Variants in TTBK2 observed in about 807,000 individuals in gnomAD.
TTBK2 encodes the protein tau-tubulin kinase 2.
Under a neutral mutation model 110.8 loss-of-function variants are expected in TTBK2, and 28 were observed. The observed-to-expected ratio is 0.25, with a 90% confidence interval of 0.19 to 0.35. The LOEUF (loss-of-function observed/expected upper bound fraction) is 0.35, where lower values mean the gene tolerates loss of function less well. TTBK2 is among the 10% of genes least tolerant of loss of function. TTBK2 has a pLI of 1.00. For synonymous variants in TTBK2, 532 were observed against 527.3 expected, an observed-to-expected ratio of 1.01 and a Z score of -0.12; for missense variants, 1,369 against 1,500.3, an observed-to-expected ratio of 0.91 and a Z score of 1.45.
chr15:42,845,414 C>T (rs2141028733), intron 3 of TTBK2, among the ~76,000 whole-genome samples: 2 of 151,852 alleles, frequency 1.3e-5, no homozygotes, highest in South Asian at 2.1e-4. Flanking sequence ...GCCTGTAATC[C>T]CTGCACTTTG....
chr15:42,759,893 TC>T (rs1457470759), intron 13 of TTBK2, among the ~76,000 whole-genome samples: 1 of 151,772 alleles, frequency 6.6e-6, no homozygotes, highest in African/African-American at 2.4e-5. Context: ...ATGATAATTC[TC>T]CAGTAAAAGA....
intron 6 of TTBK2, among the ~76,000 whole-genome samples, chr15:42,825,495 G>A (rs1892491136): frequency 1.3e-5 from 2 of 152,190 alleles, no homozygotes; most frequent in Admixed American, 6.5e-5. Flanking sequence ...TGGATCCCTT[G>A]AGGTGAGGAG....
Position 42,741,357 on chromosome 15 carries a change from G to C in TTBK2, c.*4438C>G, listed in dbSNP as rs1263182616. On this transcript the variant is annotated 3_prime_UTR_variant, in exon 15 of 15. Coordinates refer to ENST00000267890, the MANE Select transcript of TTBK2 (RefSeq NM_173500.4). ...AATGCACCTGTGGTTTCTGAACTTG[G>C]GTATACGCTGATACATAAGGACTAC... 6.6e-6 allele frequency: 1 copy of C among 152,156 alleles called. No individual in the cohort carries two copies. The highest frequency in any genetic ancestry group is 6.5e-5 in the Admixed American group (1 of 15,268). The allele number at this position is 152,156 out of a possible 1,614,324, so 9.4% of individuals were successfully genotyped here. A position where few individuals can be genotyped will look rare whatever the true frequency, so the allele number is the denominator to read the frequency against.
intron 7 of TTBK2, among the ~76,000 whole-genome samples, chr15:42,815,970 T>A (rs1480404910): frequency 8.9e-6 from 1 of 112,496 alleles, no homozygotes; most frequent in Non-Finnish European, 1.7e-5. Flanking sequence ...TATATATATA[T>A]ATATATATTT....
intron 3 of TTBK2, among the ~76,000 whole-genome samples, chr15:42,853,704 G>C (rs570332848): frequency 3.9e-5 from 6 of 151,930 alleles, no homozygotes; most frequent in African/African-American, 1.5e-4. Context: ...AACCAACATC[G>C]TCAGATTGAA....
At chr15:42,819,409 C>T (rs1389346562) in intron 6 of TTBK2, among the ~76,000 whole-genome samples, 1 of 151,264 alleles carries the variant, frequency 6.6e-6, no homozygotes, top group Non-Finnish European at 1.5e-5. Context: ...ACAGGATAAA[C>T]AATCTATGTG....
At chr15:42,794,601 A>T (rs1445645823) in intron 10 of TTBK2, 43 bp downstream of exon 10, 1 of 1,614,042 alleles carries the variant, frequency 6.2e-7, no homozygotes, top group Admixed American at 1.7e-5. Flanking sequence ...CAAATATAAT[A>T]CATCCAGGAA....
chr15:42,815,949 T>TTAA (rs1194813331), intron 7 of TTBK2, among the ~76,000 whole-genome samples: 6 of 37,172 alleles, frequency 1.6e-4, no homozygotes, highest in African/African-American at 8.7e-4. Context: ...TATATATATT[T>TTAA]AAAAAAAAAA....
At chr15:42,867,603 C>G (rs1454063360) in intron 3 of TTBK2, among the ~76,000 whole-genome samples, 1 of 152,150 alleles carries the variant, frequency 6.6e-6, no homozygotes, top group Non-Finnish European at 1.5e-5. Flanking sequence ...TCACACATCA[C>G]TAGATAAATG....
rs369247893 is a variant in TTBK2 at position 42,898,930 on chromosome 15, T to C, written c.-67-20246A>G. Among the ~76,000 whole-genome samples the C allele has an allele frequency of 6.6e-5, 10 of 152,362 alleles. No homozygotes were observed. The East Asian group carries it at 1.3e-3, about 21-fold the overall frequency. On this transcript the variant is annotated intron_variant, in intron 1 of 14. Coordinates refer to ENST00000267890, the MANE Select transcript of TTBK2 (RefSeq NM_173500.4). The stretch of plus-strand genomic sequence containing the variant: ...AACTTGTATATAACCATTAAACTTT[T>C]AAAATTATGTGCTGTTAAAACTCTA...
At chr15:42,859,522 G>A (rs1894074296) in intron 3 of TTBK2, among the ~76,000 whole-genome samples, 1 of 152,138 alleles carries the variant, frequency 6.6e-6, no homozygotes. Context: ...GAAGCACTTA[G>A]GAGGTGCTTC....
intron 13 of TTBK2, among the ~76,000 whole-genome samples, chr15:42,756,875 A>C (rs915277555): frequency 7.5e-6 from 1 of 133,944 alleles, no homozygotes. Flanking sequence ...CAAAAAAAAC[A>C]AAAACAAAAA....
In TTBK2 at chr15:42,746,175, A is replaced by G; in HGVS notation, c.3355T>C (p.Ser1119Pro). 6.2e-7 allele frequency: 1 copy of G among 1,614,084 alleles called. No individual in the cohort carries two copies. Among genetic ancestry groups the G allele is most frequent in the Non-Finnish European group, 8.5e-7 (1 of 1,180,028 alleles). The change falls in exon 15 of 15, where the codon TCT becomes CCT. Residue 1119 changes from serine (S) to proline (P), a missense_variant. Transcript: ENST00000267890. ...TGAGTAGTGCTCCGGGGTTTCTGAG[A>G]TCCATTTTGAAGAATTTGGGCCAGG... ...SRLAQILQNG[S>P]QKPRSTTQCK...
At chr15:42,842,875 A>C (rs1364130265) in intron 3 of TTBK2, among the ~76,000 whole-genome samples, 4 of 152,224 alleles carry the variant, frequency 2.6e-5, no homozygotes, top group African/African-American at 4.8e-5. Context: ...TACACAGTAC[A>C]TGTTGATCAC....
intron 1 of TTBK2, among the ~76,000 whole-genome samples, chr15:42,895,775 G>A (rs1221023446): frequency 6.6e-6 from 1 of 151,940 alleles, no homozygotes; most frequent in East Asian, 1.9e-4. Context: ...CTGACCTTGT[G>A]ATCTGCCCAC....
intron 2 of TTBK2, among the ~76,000 whole-genome samples, chr15:42,877,980 TAA>T (rs1286448872): frequency 2.6e-5 from 4 of 151,146 alleles, no homozygotes; most frequent in Admixed American, 2.0e-4. Flanking sequence ...GTTCATTATA[TAA>T]GTCTATTTTT....
At chr15:42,774,923 A>G (rs1889833866) in intron 13 of TTBK2, among the ~76,000 whole-genome samples, 1 of 152,248 alleles carries the variant, frequency 6.6e-6, no homozygotes. Context: ...ATGACATTTC[A>G]TGTATTGAGT....
chr15:42,836,480 T>A (rs1297831194), intron 4 of TTBK2, among the ~76,000 whole-genome samples: 2 of 152,068 alleles, frequency 1.3e-5, no homozygotes, highest in Non-Finnish European at 2.9e-5. Flanking sequence ...AGCCACAAAC[T>A]GTACAGATGG....
At chr15:42,750,073 G>A (rs1417914948) in intron 14 of TTBK2, among the ~76,000 whole-genome samples, 1 of 152,074 alleles carries the variant, frequency 6.6e-6, no homozygotes, top group Non-Finnish European at 1.5e-5. Context: ...GTGACAGAGT[G>A]AGATCCTGTC....
Sources: allele counts gnomAD v4.1 joint callset (sites outside exome capture counted in the v4.1 genomes callset), GRCh38; gene constraint gnomAD v4.1.1; transcripts MANE v1.5; gene names NCBI Gene and HGNC (gene_info 2026-07-23, HGNC 2026-07-21).